EYS: variants seen among roughly 807,000 people sequenced by gnomAD.
The protein encoded by EYS is protein eyes shut homolog.
In EYS, 250 loss-of-function variants were observed where a neutral mutation model predicts 282.1. The ratio of observed to expected loss-of-function variants is 0.89; its 90% CI spans 0.80 to 0.98. EYS has a LOEUF of 0.98. Among genes scored for constraint, EYS ranks in the 50% least tolerant of loss-of-function variants. EYS has a pLI of 0.00. For synonymous variants in EYS, 1,355 were observed against 1,282.9 expected, an observed-to-expected ratio of 1.06 and a Z score of -1.20; for missense variants, 4,016 against 3,709.0, an observed-to-expected ratio of 1.08 and a Z score of -2.15.
chr6:65,379,734 A>T (rs1765538174), intron 8 of EYS, among the ~76,000 whole-genome samples: 1 of 152,058 alleles, frequency 6.6e-6, no homozygotes, highest in Non-Finnish European at 1.5e-5. Context: ...TCTCAGTCCA[A>T]CAACTCCTTA....
rs147867019 is a variant in EYS at position 63,957,168 on chromosome 6, A to G, written c.7055+27215T>C. Among the ~76,000 whole-genome samples, 509 of 96,352 alleles carry G rather than the reference A, an allele frequency of 5.3e-3. 27 individuals are homozygous for G. Among genetic ancestry groups the G allele is most frequent in the African/African-American group, 0.013 (480 of 37,368 alleles). The allele number at this position is 96,352 out of a possible 152,430, so 63.2% of individuals were successfully genotyped here. A position where few individuals can be genotyped will look rare whatever the true frequency, so the allele number is the denominator to read the frequency against. ...GAAAGACACATTACTGTCTTCTTGT[A>G]CTTAGGAACACTAGATAACACTTCC... On this transcript the variant is annotated intron_variant, in intron 35 of 42. Coordinates refer to ENST00000503581, the MANE Select transcript of EYS (RefSeq NM_001142800.2).
chr6:65,194,725 C>G (rs987204781), intron 12 of EYS, among the ~76,000 whole-genome samples: 2 of 151,912 alleles, frequency 1.3e-5, no homozygotes, highest in Non-Finnish European at 2.9e-5. Context: ...GGGGTCCTCC[C>G]GACCCTAGAG....
chr6:64,367,835 T>C (rs1170837619), intron 29 of EYS, among the ~76,000 whole-genome samples: 1 of 152,078 alleles, frequency 6.6e-6, no homozygotes, highest in Non-Finnish European at 1.5e-5. Flanking sequence ...TTAGATCTTG[T>C]GCCACTCATC....
At chr6:65,079,901 A>C (rs1019254315) in intron 12 of EYS, among the ~76,000 whole-genome samples, 1 of 152,144 alleles carries the variant, frequency 6.6e-6, no homozygotes, top group African/African-American at 2.4e-5. Context: ...TGGGGCTTGA[A>C]AGACAGAAGT....
At chr6:65,313,448 C>T (rs1038946416) in intron 11 of EYS, among the ~76,000 whole-genome samples, 2 of 151,642 alleles carry the variant, frequency 1.3e-5, no homozygotes, top group Non-Finnish European at 2.9e-5. Flanking sequence ...GCATCTCAGA[C>T]ATACTGTGAT....
chr6:64,697,492 C>A (rs1562140905), intron 22 of EYS, among the ~76,000 whole-genome samples: 1 of 152,090 alleles, frequency 6.6e-6, no homozygotes, highest in Non-Finnish European at 1.5e-5. Context: ...GATAGAAAAT[C>A]AGCAAAGAAT....
chr6:65,704,260 T>G lies in EYS; in HGVS notation c.-448+2875A>C, dbSNP rs534023697. Among the ~76,000 whole-genome samples, 6 of 152,350 alleles carry G rather than the reference T, an allele frequency of 3.9e-5. 1 individual carries two copies. The highest frequency in any genetic ancestry group is 1.4e-4 in the African/African-American group (6 of 41,576). The stretch of plus-strand genomic sequence containing the variant: ...ATTACATACAATAGTTTATGTAAGC[T>G]TCAACTCAACTAGATGAGATGTGTA... On this transcript the variant is annotated intron_variant, in intron 1 of 42. Coordinates refer to ENST00000503581, the MANE Select transcript of EYS (RefSeq NM_001142800.2).
Position 64,479,511 on chromosome 6 carries a change from T to C in EYS, c.5645-40159A>G, listed in dbSNP as rs145771164. The stretch of plus-strand genomic sequence containing the variant: ...GCACTGGACAATTGACTCTTGTCTG[T>C]CACACTGGGCAATGCATCATTCCCT... On this transcript the variant is annotated intron_variant, in intron 26 of 42. Transcript: ENST00000503581. Among the ~76,000 whole-genome samples, 523 of 152,130 alleles carry C rather than the reference T, an allele frequency of 3.4e-3. 5 individuals are homozygous for C. The highest frequency in any genetic ancestry group is 7.7e-3 in the South Asian group (37 of 4,834).
At chr6:64,722,590 TTAAATGCTATTA>T (rs1283488097) in intron 22 of EYS, among the ~76,000 whole-genome samples, 2 of 151,682 alleles carry the variant, frequency 1.3e-5, no homozygotes, top group African/African-American at 4.8e-5. Context: ...AGGGCTAGAT[TTAAATGCTATTA>T]TACTTTACAT....
At chr6:64,998,127 C>A (rs182580255) in intron 13 of EYS, among the ~76,000 whole-genome samples, 198 of 152,202 alleles carry the variant, frequency 1.3e-3, no homozygotes, top group African/African-American at 4.6e-3. Context: ...CTATGTATGA[C>A]AGAATATATT....
At chr6:64,831,714 C>T (rs1765222698) in intron 19 of EYS, among the ~76,000 whole-genome samples, 2 of 152,036 alleles carry the variant, frequency 1.3e-5, no homozygotes, top group East Asian at 3.9e-4. Flanking sequence ...TTTGTTACCA[C>T]AAGAATGCGG....
chr6:64,684,486 G>T (rs1360708084), intron 22 of EYS, among the ~76,000 whole-genome samples: 2 of 151,898 alleles, frequency 1.3e-5, no homozygotes, highest in Non-Finnish European at 2.9e-5. Context: ...AGAATAAAGA[G>T]CACCAGATAT....
intron 26 of EYS, among the ~76,000 whole-genome samples, chr6:64,548,153 G>A (rs891634633): frequency 6.6e-6 from 1 of 152,210 alleles, no homozygotes; most frequent in Non-Finnish European, 1.5e-5. Context: ...TGCTGCCAAA[G>A]TGGGAGCCAA....
At chr6:65,673,549 G>A (rs761650333) in intron 1 of EYS, among the ~76,000 whole-genome samples, 2 of 151,946 alleles carry the variant, frequency 1.3e-5, no homozygotes, top group Non-Finnish European at 2.9e-5. Flanking sequence ...TAAGTTTTTG[G>A]GCTCTATCCT....
chr6:65,198,780 T>C (rs777790793), intron 12 of EYS, among the ~76,000 whole-genome samples: 36 of 152,212 alleles, frequency 2.4e-4, no homozygotes, highest in Non-Finnish European at 4.0e-4. Context: ...AAAAGGGGGA[T>C]TTGGTTGTTC....
At chr6:65,048,758 T>C (rs1386516393) in intron 13 of EYS, among the ~76,000 whole-genome samples, 1 of 151,844 alleles carries the variant, frequency 6.6e-6, no homozygotes, top group Non-Finnish European at 1.5e-5. Context: ...AAAGCAACAA[T>C]CCATTTATCC....
intron 11 of EYS, among the ~76,000 whole-genome samples, chr6:65,326,120 A>C (rs1858644): frequency 6.6e-6 from 1 of 152,024 alleles, no homozygotes; most frequent in Non-Finnish European, 1.5e-5. Flanking sequence ...ACTGTAAATA[A>C]TTTTTTCCAG....
chr6:64,588,458 A>C (rs942601490), intron 26 of EYS, among the ~76,000 whole-genome samples: 3 of 152,024 alleles, frequency 2.0e-5, no homozygotes, highest in African/African-American at 7.2e-5. Flanking sequence ...AGAAGACTAG[A>C]AGACAACAGG....
At chr6:65,395,354 C>T (rs1159234434) in intron 7 of EYS, among the ~76,000 whole-genome samples, 1 of 152,180 alleles carries the variant, frequency 6.6e-6, no homozygotes, top group Non-Finnish European at 1.5e-5. Flanking sequence ...TGAGCCACTG[C>T]GCCCAGCAAT....
Sources: gnomAD v4.1 joint callset for allele counts (sites outside exome capture counted in the v4.1 genomes callset) on GRCh38, gnomAD v4.1.1 for gene constraint, MANE v1.5 for transcripts, NCBI Gene and HGNC (gene_info 2026-07-23, HGNC 2026-07-21) for gene names.